The following CCSER1 variants were observed in gnomAD, a reference collection of about 807,000 sequenced individuals.
The protein encoded by CCSER1 is serine-rich coiled-coil domain-containing protein 1.
Under a neutral mutation model 82.0 loss-of-function variants are expected in CCSER1, and 41 were observed. That is an observed-to-expected ratio of 0.50 (90% confidence interval 0.39 to 0.65). The LOEUF (loss-of-function observed/expected upper bound fraction) is 0.65, where lower values mean the gene tolerates loss of function less well. Ranked by LOEUF, CCSER1 falls within the 30% of genes least tolerant of loss-of-function variation. The pLI is 0.00. For synonymous variants in CCSER1, 414 were observed against 383.9 expected (o/e 1.08, Z -0.92); for missense variants, 1,119 against 1,064.2 (o/e 1.05, Z -0.72).
chr4:90,348,303 A>G (rs1241459536), intron 3 of CCSER1, among the ~76,000 whole-genome samples: 1 of 152,154 alleles, frequency 6.6e-6, no homozygotes, highest in Non-Finnish European at 1.5e-5. Context: ...GTTATTCTAA[A>G]ATGAAAGTTT....
At chr4:91,414,957 T>C (rs1417805286) in intron 10 of CCSER1, among the ~76,000 whole-genome samples, 2 of 152,086 alleles carry the variant, frequency 1.3e-5, no homozygotes, top group Non-Finnish European at 2.9e-5. Flanking sequence ...AGAACTGAAG[T>C]AGATATAGAC....
intron 1 of CCSER1, among the ~76,000 whole-genome samples, chr4:90,245,742 C>T (rs1358818176): frequency 6.6e-6 from 1 of 152,108 alleles, no homozygotes; most frequent in Non-Finnish European, 1.5e-5. Flanking sequence ...ATACTCTCTC[C>T]TTCACCTTCT....
At chr4:90,143,018 T>G (rs771241817) in intron 1 of CCSER1, among the ~76,000 whole-genome samples, 17 of 152,336 alleles carry the variant, frequency 1.1e-4, no homozygotes, top group Middle Eastern at 3.4e-3. Flanking sequence ...CCACTATTTG[T>G]CACTTCCTAG....
At chr4:90,912,909 G>A (rs560763212) in intron 8 of CCSER1, among the ~76,000 whole-genome samples, 3 of 152,246 alleles carry the variant, frequency 2.0e-5, no homozygotes, top group South Asian at 4.1e-4. Context: ...TCAAATGAAC[G>A]AAATGAAGTG....
chr4:90,563,703 T>C (rs976887762), intron 5 of CCSER1, among the ~76,000 whole-genome samples: 2 of 152,236 alleles, frequency 1.3e-5, no homozygotes, highest in African/African-American at 4.8e-5. Context: ...GACACTTAGA[T>C]TGATTCCACG....
At chr4:90,391,637 A>G (rs991415053) in intron 3 of CCSER1, among the ~76,000 whole-genome samples, 1 of 150,860 alleles carries the variant, frequency 6.6e-6, no homozygotes, top group Non-Finnish European at 1.5e-5. Context: ...TATATTTTAC[A>G]AATGGGTAAT....
intron 9 of CCSER1, among the ~76,000 whole-genome samples, chr4:91,057,763 A>T (rs912090614): frequency 6.6e-6 from 1 of 152,104 alleles, no homozygotes; most frequent in South Asian, 2.1e-4. Flanking sequence ...TTATAAAATG[A>T]TTATCATTTT....
intron 7 of CCSER1, among the ~76,000 whole-genome samples, chr4:90,737,774 T>C (rs916740353): frequency 6.9e-6 from 1 of 144,000 alleles, no homozygotes; most frequent in Admixed American, 7.1e-5. Context: ...ATTTTGTAGG[T>C]GTGCTTCATT....
At chr4:91,212,477 A>C (rs1472569370) in intron 10 of CCSER1, among the ~76,000 whole-genome samples, 1 of 152,020 alleles carries the variant, frequency 6.6e-6, no homozygotes, top group Admixed American at 6.6e-5. Context: ...TGACTGATGC[A>C]CTGTTCTCAC....
chr4:91,444,531 C>A (rs927188502), intron 10 of CCSER1, among the ~76,000 whole-genome samples: 4 of 151,982 alleles, frequency 2.6e-5, no homozygotes, highest in Non-Finnish European at 5.9e-5. Context: ...CTCACTGCAA[C>A]TTCCACCTCC....
chr4:90,568,231 T>C (rs1352188649), intron 5 of CCSER1, among the ~76,000 whole-genome samples: 1 of 152,224 alleles, frequency 6.6e-6, no homozygotes, highest in Non-Finnish European at 1.5e-5. Context: ...GTTTTCTGTC[T>C]GGATGATCTG....
intron 3 of CCSER1, among the ~76,000 whole-genome samples, chr4:90,368,758 A>G (rs976108282): frequency 6.6e-6 from 1 of 151,826 alleles, no homozygotes; most frequent in Admixed American, 6.6e-5. Flanking sequence ...CCATAGCATC[A>G]TATAAATACG....
At chr4:91,243,645 C>T (rs564123977) in intron 10 of CCSER1, among the ~76,000 whole-genome samples, 1 of 152,276 alleles carries the variant, frequency 6.6e-6, no homozygotes, top group African/African-American at 2.4e-5. Context: ...TCCCAGATGA[C>T]ATTTCTAGAC....
intron 10 of CCSER1, among the ~76,000 whole-genome samples, chr4:91,359,127 C>T (rs1173517830): frequency 6.7e-6 from 1 of 148,250 alleles, no homozygotes; most frequent in African/African-American, 2.4e-5. Flanking sequence ...ATGAAAGGGT[C>T]GTGATTGATT....
chr4:91,539,327 G>T (rs1190093044), intron 10 of CCSER1, among the ~76,000 whole-genome samples: 1 of 151,986 alleles, frequency 6.6e-6, no homozygotes, highest in Non-Finnish European at 1.5e-5. Context: ...CTTTATCCAT[G>T]ATATAGTTGT....
chr4:90,613,074 GGAA>G (rs528521708), intron 5 of CCSER1, among the ~76,000 whole-genome samples: 97 of 152,232 alleles, frequency 6.4e-4, no homozygotes, highest in African/African-American at 2.2e-3. Context: ...CACAGGCACT[GGAA>G]GAACCTTGTA....
chr4:91,498,193 G>A (rs1471740672), intron 10 of CCSER1, among the ~76,000 whole-genome samples: 7 of 151,980 alleles, frequency 4.6e-5, no homozygotes, highest in Non-Finnish European at 4.4e-5. Flanking sequence ...CATTTCTGCT[G>A]CAAAATAAAG....
At chr4:90,432,967 T>C (rs920761772) in intron 4 of CCSER1, among the ~76,000 whole-genome samples, 5 of 152,158 alleles carry the variant, frequency 3.3e-5, no homozygotes, top group Non-Finnish European at 5.9e-5. Flanking sequence ...GCTCAGTTCT[T>C]AGACTTTCTT....
At chr4:91,054,779 A>C (rs986557677) in intron 9 of CCSER1, among the ~76,000 whole-genome samples, 3 of 152,150 alleles carry the variant, frequency 2.0e-5, no homozygotes, top group African/African-American at 7.2e-5. Flanking sequence ...CCTAATCTGA[A>C]ATTTTGAAAT....
Sources: allele counts gnomAD v4.1 joint callset (sites outside exome capture counted in the v4.1 genomes callset), GRCh38; gene constraint gnomAD v4.1.1; transcripts MANE v1.5; gene names NCBI Gene and HGNC (gene_info 2026-07-23, HGNC 2026-07-21).